The following LINGO2 variants were observed in gnomAD, a reference collection of about 807,000 sequenced individuals.
LINGO2 encodes the protein leucine rich repeat and Ig domain containing 2, also known as leucine-rich repeat and immunoglobulin-like domain-containing nogo receptor-interacting protein 2.
In LINGO2, 14 loss-of-function variants were observed where a neutral mutation model predicts 30.6. The ratio of observed to expected loss-of-function variants is 0.46; its 90% CI spans 0.30 to 0.72. The LOEUF is 0.72. LINGO2 is among the 30% of genes least tolerant of loss of function. The pLI, the probability that LINGO2 is intolerant of heterozygous loss-of-function variation, is 0.07. For synonymous variants in LINGO2, 317 were observed against 288.5 expected (o/e 1.10, Z -1.00); for missense variants, 729 against 751.7 (o/e 0.97, Z 0.35).
the LINGO2 span, among the ~76,000 whole-genome samples, chr9:28,903,758 T>C: frequency 3.3e-5 from 5 of 152,112 alleles, no homozygotes; most frequent in African/African-American, 9.7e-5. Context: ...GGATTACAGA[T>C]ATGAGCCACC....
At chr9:28,346,972 G>A (rs946668380) in intron 3 of LINGO2, among the ~76,000 whole-genome samples, 7 of 151,994 alleles carry the variant, frequency 4.6e-5, no homozygotes, top group African/African-American at 1.4e-4. Flanking sequence ...CTCCCATTCT[G>A]TAGGTTGTCT....
chr9:28,271,989 G>T (rs1822956558), intron 4 of LINGO2, among the ~76,000 whole-genome samples: 1 of 152,190 alleles, frequency 6.6e-6, no homozygotes, highest in South Asian at 2.1e-4. Flanking sequence ...GGAATCTGTT[G>T]TAAATGCTTG....
At chr9:28,713,027 G>A in the LINGO2 span, among the ~76,000 whole-genome samples, 32 of 151,872 alleles carry the variant, frequency 2.1e-4, no homozygotes, top group African/African-American at 6.8e-4. Flanking sequence ...CACCACGCCC[G>A]GCTGATTTTT....
chr9:28,043,499 A>G (rs1824284025), intron 4 of LINGO2, among the ~76,000 whole-genome samples: 2 of 152,218 alleles, frequency 1.3e-5, no homozygotes, highest in South Asian at 2.1e-4. Context: ...ACGTAAATGC[A>G]TGTTTGCTTA....
At chr9:28,809,094 T>G in the LINGO2 span, among the ~76,000 whole-genome samples, 1 of 152,356 alleles carries the variant, frequency 6.6e-6, no homozygotes, top group South Asian at 2.1e-4. Flanking sequence ...TAGAAGCTTT[T>G]CTTTAATTAA....
chr9:28,045,327 A>C (rs1363052132), intron 4 of LINGO2, among the ~76,000 whole-genome samples: 1 of 152,162 alleles, frequency 6.6e-6, no homozygotes, highest in Non-Finnish European at 1.5e-5. Flanking sequence ...TGAGTATTTT[A>C]TAGACAGACT....
the LINGO2 span, among the ~76,000 whole-genome samples, chr9:28,686,422 G>T: frequency 6.6e-6 from 1 of 151,888 alleles, no homozygotes; most frequent in Non-Finnish European, 1.5e-5. Flanking sequence ...AATTTTTATG[G>T]CTTTTACTAG....
intron 1 of LINGO2, among the ~76,000 whole-genome samples, chr9:28,607,175 C>T (rs1825730052): frequency 6.6e-6 from 1 of 151,890 alleles, no homozygotes; most frequent in Admixed American, 6.6e-5. Context: ...AAACACTAAA[C>T]CTTGATTTAA....
the LINGO2 span, among the ~76,000 whole-genome samples, chr9:28,881,851 G>A: frequency 3.9e-5 from 6 of 152,278 alleles, no homozygotes; most frequent in South Asian, 2.1e-4. Flanking sequence ...TCCCCACCAC[G>A]TGTCCATGTG....
the LINGO2 span, among the ~76,000 whole-genome samples, chr9:29,174,039 C>T: frequency 1.3e-5 from 2 of 151,364 alleles, no homozygotes; most frequent in African/African-American, 4.9e-5. Flanking sequence ...TTATAAAAAA[C>T]TATTAAACAG....
chr9:28,423,481 T>C (rs1823286673), intron 2 of LINGO2, among the ~76,000 whole-genome samples: 1 of 152,144 alleles, frequency 6.6e-6, no homozygotes, highest in African/African-American at 2.4e-5. Flanking sequence ...TTCTCAGCCA[T>C]GGTTAAAGAA....
chr9:29,090,509 T>A, the LINGO2 span, among the ~76,000 whole-genome samples: 1 of 152,058 alleles, frequency 6.6e-6, no homozygotes, highest in Admixed American at 6.6e-5. Context: ...AAAAGCTTAA[T>A]ACAGTTATTG....
the LINGO2 span, among the ~76,000 whole-genome samples, chr9:29,105,453 C>A: frequency 6.6e-6 from 1 of 152,112 alleles, no homozygotes. Context: ...GGCTCATTGA[C>A]AAATTCCTTA....
At chr9:28,572,642 C>T (rs1823752702) in intron 1 of LINGO2, among the ~76,000 whole-genome samples, 1 of 152,032 alleles carries the variant, frequency 6.6e-6, no homozygotes, top group South Asian at 2.1e-4. Context: ...GAAATGGAGA[C>T]ATCTTCCTTT....
At chr9:28,031,903 C>A (rs529243233) in intron 4 of LINGO2, among the ~76,000 whole-genome samples, 1 of 152,116 alleles carries the variant, frequency 6.6e-6, no homozygotes, top group Non-Finnish European at 1.5e-5. Flanking sequence ...CCTTAAAATA[C>A]CTTCAATCTG....
intron 1 of LINGO2, among the ~76,000 whole-genome samples, chr9:28,564,176 G>T (rs1233495560): frequency 6.6e-6 from 1 of 152,002 alleles, no homozygotes; most frequent in Non-Finnish European, 1.5e-5. Flanking sequence ...ATTATCTTTT[G>T]CTGATTTAAT....
At chr9:28,572,274 C>A (rs1823733108) in intron 1 of LINGO2, among the ~76,000 whole-genome samples, 1 of 152,032 alleles carries the variant, frequency 6.6e-6, no homozygotes, top group Non-Finnish European at 1.5e-5. Context: ...TTATATCTCT[C>A]TGGACAGTAC....
chr9:28,909,156 C>T, the LINGO2 span, among the ~76,000 whole-genome samples: 1 of 151,912 alleles, frequency 6.6e-6, no homozygotes, highest in Non-Finnish European at 1.5e-5. Flanking sequence ...ATGCAACTCT[C>T]TTCTGTCTGA....
chr9:29,033,976 G>C, the LINGO2 span, among the ~76,000 whole-genome samples: 1 of 151,758 alleles, frequency 6.6e-6, no homozygotes, highest in African/African-American at 2.4e-5. Flanking sequence ...CAGCTATTTC[G>C]GAGGCTGAAA....
Sources: gnomAD v4.1 joint callset for allele counts (sites outside exome capture counted in the v4.1 genomes callset) on GRCh38, gnomAD v4.1.1 for gene constraint, MANE v1.5 for transcripts, NCBI Gene and HGNC (gene_info 2026-07-23, HGNC 2026-07-21) for gene names.